The following EPB41 variants were observed in gnomAD, a reference collection of about 807,000 sequenced individuals.
EPB41 encodes the protein protein 4.1.
A neutral mutation model predicts 108.0 loss-of-function variants in EPB41; 65 were observed. That is an observed-to-expected ratio of 0.60 (90% CI 0.49 to 0.74). The LOEUF is 0.74. Among genes scored for constraint, EPB41 ranks in the 30% least tolerant of loss-of-function variants. The pLI, the probability that EPB41 is intolerant of heterozygous loss-of-function variation, is 0.00. For synonymous variants in EPB41, 336 were observed against 358.9 expected (o/e 0.94, Z 0.72); for missense variants, 875 against 1,037.0 (o/e 0.84, Z 2.15).
At chr1:29,077,303 G>A (rs1014678322) in intron 16 of EPB41, among the ~76,000 whole-genome samples, 1 of 151,922 alleles carries the variant, frequency 6.6e-6, no homozygotes, top group Non-Finnish European at 1.5e-5. Context: ...GGCCTTGGTG[G>A]CACAAGCCTG....
chr1:28,925,196 CT>C (rs370681684), intron 1 of EPB41, among the ~76,000 whole-genome samples: 57 of 152,250 alleles, frequency 3.7e-4, no homozygotes, highest in African/African-American at 1.3e-3. Flanking sequence ...AACTCCTGAC[CT>C]TGTGATCCGC....
At chr1:28,918,872 G>A (rs1427706410) in intron 1 of EPB41, among the ~76,000 whole-genome samples, 1 of 152,192 alleles carries the variant, frequency 6.6e-6, no homozygotes, top group East Asian at 1.9e-4. Flanking sequence ...AAGTTTCTTG[G>A]TATGTCACTG....
In EPB41 at chr1:29,020,162, G is replaced by A. The variant is rs557249482; in HGVS notation, c.1124+1720G>A. On this transcript the variant is annotated intron_variant, in intron 7 of 20. Transcript: ENST00000343067. ...TGGCTCACTGCAGCCTCCACCTCCC[G>A]GGTTCAAGCAATTCTCTGCCTCAGC... is the stretch of plus-strand genomic sequence containing the variant. Among the ~76,000 whole-genome samples the A allele has an allele frequency of 1.5e-4, 23 of 151,906 alleles. No individual in the cohort carries two copies. In the East Asian group the frequency reaches 3.7e-3, roughly 24 times the overall value.
intron 1 of EPB41, among the ~76,000 whole-genome samples, chr1:28,965,270 A>G (rs932003053): frequency 6.6e-6 from 1 of 151,906 alleles, no homozygotes; most frequent in African/African-American, 2.4e-5. Context: ...TGGGGAAAAA[A>G]CCTTTTTTTG....
intron 1 of EPB41, among the ~76,000 whole-genome samples, chr1:28,980,299 T>C (rs1211303946): frequency 6.6e-6 from 1 of 151,866 alleles, no homozygotes; most frequent in East Asian, 1.9e-4. Context: ...GATTATGCCA[T>C]TGCACTCCAG....
At chr1:28,910,336 A>AT (rs1046672680), upstream of EPB41, among the ~76,000 whole-genome samples, 3 of 152,202 alleles carry the variant, frequency 2.0e-5, no homozygotes, top group South Asian at 2.1e-4. Context: ...AATAACTGTG[A>AT]TTTTTTATCC....
chr1:28,998,845 A>T (rs548729066), intron 4 of EPB41, among the ~76,000 whole-genome samples: 1 of 152,348 alleles, frequency 6.6e-6, no homozygotes, highest in South Asian at 2.1e-4. Flanking sequence ...GGTGATGGAT[A>T]GTTTGATTCA....
intron 2 of EPB41, among the ~76,000 whole-genome samples, chr1:28,990,489 T>C (rs1211828826): frequency 1.3e-5 from 2 of 151,624 alleles, no homozygotes; most frequent in Non-Finnish European, 2.9e-5. Context: ...GGTGTGATCA[T>C]GGCTCACTAC....
At chr1:29,028,389 CAAT>C (rs1285853484) in intron 7 of EPB41, among the ~76,000 whole-genome samples, 1 of 152,160 alleles carries the variant, frequency 6.6e-6, no homozygotes, top group East Asian at 1.9e-4. Flanking sequence ...GCTAAGGCTG[CAAT>C]AATAACTATT....
chr1:28,971,406 A>G (rs187213295), intron 1 of EPB41, among the ~76,000 whole-genome samples: 107 of 150,368 alleles, frequency 7.1e-4, no homozygotes, highest in Non-Finnish European at 1.3e-3. Context: ...CTCATCTTGA[A>G]CTCCTGACCT....
chr1:28,925,823 T>G (rs2093414153), intron 1 of EPB41, among the ~76,000 whole-genome samples: 1 of 152,182 alleles, frequency 6.6e-6, no homozygotes. Flanking sequence ...CTTCGCATTT[T>G]ATTTGGAGAC....
chr1:28,942,559 C>T (rs985522673), intron 1 of EPB41, among the ~76,000 whole-genome samples: 5 of 152,254 alleles, frequency 3.3e-5, no homozygotes, highest in Admixed American at 6.5e-5. Context: ...CATGGAGCTA[C>T]CTTGCCCTCT....
At chr1:29,046,920 A>G (rs1643394172) in intron 11 of EPB41, among the ~76,000 whole-genome samples, 1 of 152,108 alleles carries the variant, frequency 6.6e-6, no homozygotes, top group Admixed American at 6.5e-5. Flanking sequence ...TAGGATTTCT[A>G]CAACTATTTT....
intron 16 of EPB41, among the ~76,000 whole-genome samples, chr1:29,090,798 G>A (rs533937531): frequency 6.6e-5 from 10 of 152,202 alleles, no homozygotes; most frequent in African/African-American, 2.4e-4. Context: ...AGCCCAGAGA[G>A]CAGCAGAGAT....
intron 17 of EPB41, among the ~76,000 whole-genome samples, chr1:29,103,631 C>T (rs150677843): frequency 5.9e-5 from 9 of 152,248 alleles, no homozygotes; most frequent in African/African-American, 2.2e-4. Flanking sequence ...TTAAGACAGT[C>T]AAGATACAAA....
upstream of EPB41, among the ~76,000 whole-genome samples, chr1:28,910,184 C>G (rs2092158736): frequency 6.6e-6 from 1 of 152,014 alleles, no homozygotes; most frequent in Admixed American, 6.5e-5. Flanking sequence ...TTTATAGTGA[C>G]TTACATTTTT....
intron 1 of EPB41, among the ~76,000 whole-genome samples, chr1:28,935,467 A>AC (rs71022381): frequency 6.5e-4 from 42 of 64,208 alleles, no homozygotes; most frequent in Non-Finnish European, 9.7e-4. Context: ...ACACACACAC[A>AC]CCCCCCCCCC....
intron 7 of EPB41, among the ~76,000 whole-genome samples, chr1:29,026,525 C>A (rs1466234060): frequency 6.6e-6 from 1 of 152,080 alleles, no homozygotes; most frequent in African/African-American, 2.4e-5. Flanking sequence ...TTCCCACTAC[C>A]AAATCTGGGG....
intron 1 of EPB41, among the ~76,000 whole-genome samples, chr1:28,923,276 G>A: frequency 6.6e-6 from 1 of 151,200 alleles, no homozygotes; most frequent in East Asian, 2.0e-4. Context: ...TTGTATTTTA[G>A]TAGAGACAGG....
Sources: allele counts gnomAD v4.1 joint callset (sites outside exome capture counted in the v4.1 genomes callset), GRCh38; gene constraint gnomAD v4.1.1; transcripts MANE v1.5; gene names NCBI Gene and HGNC (gene_info 2026-07-23, HGNC 2026-07-21).